ZMIZ1: variants seen among roughly 807,000 people sequenced by gnomAD.
ZMIZ1 encodes zinc finger MIZ domain-containing protein 1.
A neutral mutation model predicts 113.9 loss-of-function variants in ZMIZ1; 17 were observed. The ratio of observed to expected loss-of-function variants is 0.15; its 90% CI spans 0.10 to 0.22. The LOEUF (loss-of-function observed/expected upper bound fraction) is 0.22. Among genes scored for constraint, ZMIZ1 ranks in the 10% least tolerant of loss-of-function variants. The pLI, the probability that ZMIZ1 is intolerant of heterozygous loss-of-function variation, is 1.00. For missense variants in ZMIZ1, 1,059 were observed against 1,477.8 expected (o/e 0.72, Z 4.65); for synonymous variants, 607 against 603.1 (o/e 1.01, Z -0.09).
chr10:79,298,724 C>G, intron 15 of ZMIZ1, 144 bp downstream of exon 15: 1 of 817,538 alleles, frequency 1.2e-6, no homozygotes, highest in East Asian at 3.0e-5. Flanking sequence ...CAGGGGCACA[C>G]TCAAGGCGGG....
intron 3 of ZMIZ1, among the ~76,000 whole-genome samples, chr10:79,144,835 A>G (rs1845415945): frequency 6.6e-6 from 1 of 151,978 alleles, no homozygotes; most frequent in South Asian, 2.1e-4. Flanking sequence ...CCTGTTAGGT[A>G]TTCAATGTTC....
intron 7 of ZMIZ1, among the ~76,000 whole-genome samples, chr10:79,218,613 G>A (rs1279798191): frequency 6.6e-6 from 1 of 151,646 alleles, no homozygotes; most frequent in South Asian, 2.1e-4. Flanking sequence ...GTGTCTGTCT[G>A]TCTGTCTGTG....
rs571477428 is a variant in ZMIZ1, at chr10:79,201,047, C to T, written c.-49-537C>T. Reference sequence around the variant, plus strand: ...ACCTGGCTGGGCGTGGTGGCTCACACCTGTAATCCCAGCACTTTGGGAGCC... The same window carrying T: ...ACCTGGCTGGGCGTGGTGGCTCACATCTGTAATCCCAGCACTTTGGGAGCC... On this transcript the variant is annotated intron_variant, in intron 4 of 24. Transcript: ENST00000334512. 4.6e-5 allele frequency among the ~76,000 whole-genome samples: 7 copies of T among 152,332 alleles called. No homozygotes were observed. In the South Asian group the frequency reaches 1.4e-3, roughly 32 times the overall value.
At chr10:79,261,613 G>T (rs1399626685) in intron 7 of ZMIZ1, among the ~76,000 whole-genome samples, 1 of 152,230 alleles carries the variant, frequency 6.6e-6, no homozygotes, top group African/African-American at 2.4e-5. Flanking sequence ...AGTTCTTACA[G>T]CCACTCTGTG....
chr10:79,160,430 G>A (rs778711984), intron 3 of ZMIZ1, among the ~76,000 whole-genome samples: 34 of 152,218 alleles, frequency 2.2e-4, no homozygotes, highest in Non-Finnish European at 4.7e-4. Flanking sequence ...CAGCTGACGT[G>A]TGTGGAGAGC....
chr10:79,107,327 C>T (rs1296730594), intron 1 of ZMIZ1, among the ~76,000 whole-genome samples: 1 of 152,204 alleles, frequency 6.6e-6, no homozygotes, highest in Non-Finnish European at 1.5e-5. Context: ...TACTTCTGGC[C>T]GTGTGACTTT....
chr10:79,203,946 G>T (rs1443203671), intron 5 of ZMIZ1, among the ~76,000 whole-genome samples: 1 of 152,220 alleles, frequency 6.6e-6, no homozygotes, highest in Non-Finnish European at 1.5e-5. Context: ...TGGCGCATTT[G>T]TGAGTGTGCC....
chr10:79,215,720 C>T (rs1848697894), intron 6 of ZMIZ1, among the ~76,000 whole-genome samples: 1 of 152,090 alleles, frequency 6.6e-6, no homozygotes, highest in Admixed American at 6.5e-5. Context: ...GGGCAGTGAG[C>T]CCTCCCCAGT....
At chr10:79,228,564 G>C (rs1275953112) in intron 7 of ZMIZ1, among the ~76,000 whole-genome samples, 1 of 152,252 alleles carries the variant, frequency 6.6e-6, no homozygotes, top group African/African-American at 2.4e-5. Context: ...AGGGAGGAAG[G>C]CTCAGGCCAA....
intron 4 of ZMIZ1, among the ~76,000 whole-genome samples, chr10:79,171,371 G>A (rs1846592244): frequency 6.6e-6 from 1 of 152,224 alleles, no homozygotes; most frequent in East Asian, 1.9e-4. Context: ...CCGGGGGCCA[G>A]AGCTTTGTCT....
At chr10:79,173,422 A>T (rs546101515) in intron 4 of ZMIZ1, among the ~76,000 whole-genome samples, 20 of 152,324 alleles carry the variant, frequency 1.3e-4, no homozygotes, top group African/African-American at 4.8e-4. Flanking sequence ...CTGAGAGCAG[A>T]TTAGGACCAA....
At chr10:79,149,911 C>T (rs1391593776) in intron 3 of ZMIZ1, among the ~76,000 whole-genome samples, 2 of 152,222 alleles carry the variant, frequency 1.3e-5, no homozygotes, top group African/African-American at 2.4e-5. Flanking sequence ...GCACTTTTGT[C>T]GAGGCCTCAC....
At chr10:79,091,825 A>G (rs1324449858) in intron 1 of ZMIZ1, among the ~76,000 whole-genome samples, 2 of 152,102 alleles carry the variant, frequency 1.3e-5, no homozygotes, top group Admixed American at 1.3e-4. Flanking sequence ...GTTAGGAGGG[A>G]ACACTTATTC....
At chr10:79,240,446 A>G (rs1001226174) in intron 7 of ZMIZ1, among the ~76,000 whole-genome samples, 1 of 152,158 alleles carries the variant, frequency 6.6e-6, no homozygotes, top group East Asian at 1.9e-4. Flanking sequence ...GACTGGTTGG[A>G]GTGCCCGTAT....
intron 1 of ZMIZ1, among the ~76,000 whole-genome samples, chr10:79,072,391 G>A (rs1666200719): frequency 6.6e-6 from 1 of 152,168 alleles, no homozygotes; most frequent in South Asian, 2.1e-4. Context: ...AAAATTGCAG[G>A]GGCAAGGACC....
intron 3 of ZMIZ1, among the ~76,000 whole-genome samples, chr10:79,152,658 G>C (rs529930906): frequency 6.6e-6 from 1 of 152,240 alleles, no homozygotes; most frequent in East Asian, 1.9e-4. Context: ...ACTGTGGGCT[G>C]GTGCATGGGT....
At chr10:79,135,884 G>A (rs1027115577) in intron 2 of ZMIZ1, among the ~76,000 whole-genome samples, 2 of 152,120 alleles carry the variant, frequency 1.3e-5, no homozygotes, top group Non-Finnish European at 2.9e-5. Flanking sequence ...GGGCCCTCTC[G>A]GCCACCCACC....
At chr10:79,284,061 TAACTC>T (rs905054974) in intron 8 of ZMIZ1, among the ~76,000 whole-genome samples, 2 of 152,166 alleles carry the variant, frequency 1.3e-5, no homozygotes, top group African/African-American at 2.4e-5. Flanking sequence ...AGGGAAGAAA[TAACTC>T]AGCCCTCCCC....
intron 1 of ZMIZ1, among the ~76,000 whole-genome samples, chr10:79,079,420 C>T (rs563202794): frequency 8.5e-5 from 13 of 152,362 alleles, no homozygotes; most frequent in Non-Finnish European, 1.3e-4. Flanking sequence ...AGCCTTAGTC[C>T]AAGGGTCTGT....
Sources: gnomAD v4.1 joint callset for allele counts (sites outside exome capture counted in the v4.1 genomes callset) on GRCh38, gnomAD v4.1.1 for gene constraint, MANE v1.5 for transcripts, NCBI Gene and HGNC (gene_info 2026-07-23, HGNC 2026-07-21) for gene names.